Variants in ERC1 observed in about 807,000 individuals in gnomAD.
ERC1 encodes ELKS/RAB6-interacting/CAST family member 1.
A neutral mutation model predicts 132.0 loss-of-function variants in ERC1; 56 were observed. The ratio of observed to expected loss-of-function variants is 0.42; its 90% CI spans 0.34 to 0.53. The LOEUF (loss-of-function observed/expected upper bound fraction) is 0.53. ERC1 is among the 20% of genes least tolerant of loss of function. The pLI, the probability that ERC1 is intolerant of heterozygous loss-of-function variation, is 0.03. For missense variants in ERC1, 1,202 were observed against 1,349.9 expected (o/e 0.89, Z 1.72); for synonymous variants, 478 against 476.1 (o/e 1.00, Z -0.05).
Position 1,110,085 on chromosome 12 carries a change from G to A in ERC1, c.1162-107G>A, listed in dbSNP as rs1201561668. Reference sequence around the variant, plus strand: ...CCAATTGCCAGACAGCATTTTTTCTGTATATTTGTCTATCTTTATTAAATG... The same window carrying A: ...CCAATTGCCAGACAGCATTTTTTCTATATATTTGTCTATCTTTATTAAATG... On this transcript the variant is annotated intron_variant, in intron 4 of 18. Transcript: ENST00000360905. 5 of 966,374 alleles carry A rather than the reference G, an allele frequency of 5.2e-6. No individual in the cohort carries two copies. The East Asian group carries it at 1.4e-4, about 27-fold the overall frequency. The allele number at this position is 966,374 out of a possible 1,614,324, so 59.9% of individuals were successfully genotyped here.
At chr12:1,411,058 A>G (rs1269489340) in intron 17 of ERC1, among the ~76,000 whole-genome samples, 1 of 152,162 alleles carries the variant, frequency 6.6e-6, no homozygotes, top group Non-Finnish European at 1.5e-5. Flanking sequence ...AGCAAAGTAA[A>G]GGAAAACTTT....
intron 12 of ERC1, among the ~76,000 whole-genome samples, chr12:1,222,771 A>G (rs1278690970): frequency 1.3e-5 from 2 of 152,140 alleles, no homozygotes; most frequent in Non-Finnish European, 2.9e-5. Flanking sequence ...AACACTAACT[A>G]TATGTAACTT....
At chr12:1,371,254 G>A (rs2087198720) in intron 15 of ERC1, among the ~76,000 whole-genome samples, 1 of 44,578 alleles carries the variant, frequency 2.2e-5, no homozygotes, top group Non-Finnish European at 4.3e-5. Context: ...GAGTTTGACT[G>A]TTTTAGATCC....
intron 15 of ERC1, among the ~76,000 whole-genome samples, chr12:1,304,836 C>CTGGA (rs1044898941): frequency 1.6e-5 from 2 of 123,192 alleles, no homozygotes; most frequent in African/African-American, 6.2e-5. Context: ...GCTGCCCGGG[C>CTGGA]TGGAGTACAG....
intron 16 of ERC1, among the ~76,000 whole-genome samples, chr12:1,372,796 C>T (rs907747380): frequency 6.6e-6 from 1 of 152,136 alleles, no homozygotes; most frequent in African/African-American, 2.4e-5. Context: ...GCTCTTTGCC[C>T]TCAAGTAATG....
chr12:1,118,979 C>T (rs1483688795), intron 7 of ERC1, among the ~76,000 whole-genome samples: 3 of 152,266 alleles, frequency 2.0e-5, no homozygotes, highest in East Asian at 1.9e-4. Flanking sequence ...TGGGATCAAA[C>T]GCTTCTCCTG....
chr12:1,349,703 G>T (rs1435325260), intron 15 of ERC1, among the ~76,000 whole-genome samples: 1 of 151,416 alleles, frequency 6.6e-6, no homozygotes, highest in African/African-American at 2.4e-5. Context: ...ACCTTGGAAT[G>T]TGTTGGCCGT....
At chr12:1,077,051 A>C (rs1941469008) in intron 2 of ERC1, among the ~76,000 whole-genome samples, 1 of 152,188 alleles carries the variant, frequency 6.6e-6, no homozygotes, top group South Asian at 2.1e-4. Flanking sequence ...TACATTAATA[A>C]AGTTTATTTA....
chr12:1,308,517 A>G (rs2081051717), intron 15 of ERC1, among the ~76,000 whole-genome samples: 2 of 152,294 alleles, frequency 1.3e-5, no homozygotes, highest in South Asian at 4.1e-4. Context: ...GGTTCCCAAC[A>G]TTACTTGGTT....
chr12:1,146,612 G>GTT (rs146362967), intron 8 of ERC1, among the ~76,000 whole-genome samples: 33 of 138,070 alleles, frequency 2.4e-4, no homozygotes, highest in African/African-American at 2.9e-4. Flanking sequence ...TTCCAGTACT[G>GTT]TTTTTTTTTT....
At position 1,493,546 on chromosome 12, in the gene ERC1, A is replaced by ATATATATATGTATAT. The variant is rs58984591; in HGVS notation, c.*3316_*3317insTATATATATGTATAT. On this transcript the variant is annotated 3_prime_UTR_variant, in exon 19 of 19. Coordinates refer to ENST00000360905, the MANE Select transcript of ERC1 (RefSeq NM_178040.4). ...AGACTCCATTTAAAAAAAAAAAAAA[A>ATATATATATGTATAT]AAATATATATATATATATATATATA... is the stretch of plus-strand genomic sequence containing the variant. The ATATATATATGTATAT allele has an allele frequency of 4.2e-5, 1 of 24,062 alleles. No individual in the cohort carries two copies. The allele number at this position is 24,062 out of a possible 1,614,324, so 1.5% of individuals were successfully genotyped here. A position where few individuals can be genotyped will look rare whatever the true frequency, so the allele number is the denominator to read the frequency against.
At chr12:1,470,043 T>C (rs527449721) in intron 18 of ERC1, among the ~76,000 whole-genome samples, 2 of 151,772 alleles carry the variant, frequency 1.3e-5, no homozygotes, top group South Asian at 2.1e-4. Context: ...CAGGAGTTTG[T>C]ATCACATCAA....
intron 2 of ERC1, among the ~76,000 whole-genome samples, chr12:1,034,322 T>G (rs1322128630): frequency 6.6e-6 from 1 of 152,126 alleles, no homozygotes; most frequent in African/African-American, 2.4e-5. Context: ...ATGCATGTAG[T>G]CTTAGCTACT....
At chr12:1,072,399 T>C (rs1459099074) in intron 2 of ERC1, among the ~76,000 whole-genome samples, 1 of 152,224 alleles carries the variant, frequency 6.6e-6, no homozygotes, top group East Asian at 1.9e-4. Flanking sequence ...AGTAATCTTT[T>C]GTAATGTTTA....
intron 18 of ERC1, among the ~76,000 whole-genome samples, chr12:1,450,611 A>G (rs1221202918): frequency 6.6e-6 from 1 of 152,224 alleles, no homozygotes; most frequent in East Asian, 1.9e-4. Context: ...ACACGGGTGT[A>G]TAAATACCTT....
intron 18 of ERC1, among the ~76,000 whole-genome samples, chr12:1,473,914 T>C (rs2093919001): frequency 6.6e-6 from 1 of 152,036 alleles, no homozygotes; most frequent in Non-Finnish European, 1.5e-5. Flanking sequence ...AAGATTGAGG[T>C]TTAGAGGGAT....
chr12:1,015,782 G>C (rs73033105), intron 1 of ERC1, among the ~76,000 whole-genome samples: 182 of 152,278 alleles, frequency 1.2e-3, no homozygotes, highest in Admixed American at 2.2e-3. Flanking sequence ...TTGAAATACA[G>C]TATTAAAAAT....
chr12:1,468,677 A>G (rs1325575263), intron 18 of ERC1, among the ~76,000 whole-genome samples: 1 of 152,084 alleles, frequency 6.6e-6, no homozygotes, highest in East Asian at 1.9e-4. Flanking sequence ...GGAAAGAAAG[A>G]GCCTGCAGGC....
chr12:1,181,334 T>C (rs1954438501), intron 9 of ERC1, among the ~76,000 whole-genome samples: 1 of 152,166 alleles, frequency 6.6e-6, no homozygotes, highest in African/African-American at 2.4e-5. Context: ...CCTTAGGGTG[T>C]ATATATAAGC....
Sources: gnomAD v4.1 joint callset for allele counts (sites outside exome capture counted in the v4.1 genomes callset) on GRCh38, gnomAD v4.1.1 for gene constraint, MANE v1.5 for transcripts, NCBI Gene and HGNC (gene_info 2026-07-23, HGNC 2026-07-21) for gene names.